CCDC30: variants seen among roughly 807,000 people sequenced by gnomAD.
The protein encoded by CCDC30 is coiled-coil domain-containing protein 30.
A neutral mutation model predicts 100.2 loss-of-function variants in CCDC30; 70 were observed. That is an observed-to-expected ratio of 0.70 (90% confidence interval 0.58 to 0.85). CCDC30 has a LOEUF of 0.85. Ranked by LOEUF, CCDC30 falls within the 40% of genes least tolerant of loss-of-function variation. The pLI is 0.00. For synonymous variants in CCDC30, 233 were observed against 269.5 expected (o/e 0.86, Z 1.33); for missense variants, 652 against 771.2 (o/e 0.85, Z 1.83).
intron 6 of CCDC30, among the ~76,000 whole-genome samples, chr1:42,552,752 G>C (rs1402326395): frequency 6.6e-6 from 1 of 152,116 alleles, no homozygotes; most frequent in Non-Finnish European, 1.5e-5. Flanking sequence ...TCTCCCCGGG[G>C]CCGCCACTGA....
rs145722688 is a variant in CCDC30 at position 42,562,859 on chromosome 1, A to G, written c.457-3437A>G. Among the ~76,000 whole-genome samples the G allele has an allele frequency of 5.2e-3, 799 of 152,370 alleles. 9 individuals carry two copies. Among genetic ancestry groups the G allele is most frequent in the African/African-American group, 0.019 (772 of 41,584 alleles). On this transcript the variant is annotated intron_variant, in intron 6 of 16. Transcript: ENST00000668663. ...CCAACAAACATATGAAGAAAAGCTCAACATCACTGATCATCAGAGAAATGC... is the reference window on the plus strand; with the variant it reads ...CCAACAAACATATGAAGAAAAGCTCGACATCACTGATCATCAGAGAAATGC...
rs1052745155 is a variant in CCDC30 at position 42,566,215 on chromosome 1, C to G, written c.457-81C>G. The G allele has an allele frequency of 3.8e-6, 4 of 1,056,880 alleles. No individual in the cohort carries two copies. In the East Asian group the frequency reaches 7.7e-5, roughly 20 times the overall value. The allele number at this position is 1,056,880 out of a possible 1,614,324, so 65.5% of individuals were successfully genotyped here. A position where few individuals can be genotyped will look rare whatever the true frequency, so the allele number is the denominator to read the frequency against. On this transcript the variant is annotated intron_variant, in intron 6 of 16. Transcript: ENST00000668663. ...TGTGAATAATCACATTCTGACAATT[C>G]CGGTTCTGACAACTTGAACCCATGT...
At position 42,653,458 on chromosome 1, in the gene CCDC30, G is replaced by C; in HGVS notation, c.1922+15G>C. 1 of 1,528,346 alleles carries C rather than the reference G, an allele frequency of 6.5e-7. No homozygotes were observed. Among genetic ancestry groups the C allele is most frequent in the Non-Finnish European group, 9.0e-7 (1 of 1,107,306 alleles). 94.7% of individuals were successfully genotyped at this position (1,528,346 alleles called of 1,614,324 possible). ...TCAAACTCCAGGTTAGTAAAGTCAA[G>C]ACAAATAAAGTCAAGTCTATCTGAG... On this transcript the variant is annotated intron_variant, in intron 16 of 16. Coordinates refer to ENST00000668663, the Ensembl canonical transcript of CCDC30.
At chr1:42,491,381 A>T (rs938375338) in intron 4 of CCDC30, among the ~76,000 whole-genome samples, 1 of 152,172 alleles carries the variant, frequency 6.6e-6, no homozygotes, top group Non-Finnish European at 1.5e-5. Flanking sequence ...GTTCTCACTT[A>T]TTTGTGGAAT....
At chr1:42,505,756 A>T (rs991321460) in intron 6 of CCDC30, among the ~76,000 whole-genome samples, 5 of 152,194 alleles carry the variant, frequency 3.3e-5, no homozygotes, top group African/African-American at 1.2e-4. Flanking sequence ...TTCCTAAGAT[A>T]AGCTTGGAGC....
At chr1:42,609,104 T>TCCTGCCTTC (rs1471023107) in intron 10 of CCDC30, among the ~76,000 whole-genome samples, 1 of 152,162 alleles carries the variant, frequency 6.6e-6, no homozygotes, top group African/African-American at 2.4e-5. Flanking sequence ...TCCCTGCCTT[T>TCCTGCCTTC]CCTGCCTTCC....
chr1:42,616,153 C>T (rs956685184), intron 11 of CCDC30, among the ~76,000 whole-genome samples: 7 of 152,136 alleles, frequency 4.6e-5, no homozygotes, highest in South Asian at 2.1e-4. Flanking sequence ...TGACCTCAGA[C>T]GATCCACTCG....
intron 6 of CCDC30, among the ~76,000 whole-genome samples, chr1:42,557,322 A>T (rs1645390175): frequency 6.6e-6 from 1 of 152,212 alleles, no homozygotes; most frequent in Non-Finnish European, 1.5e-5. Context: ...CACCTGTGAA[A>T]GGAAAAGGAG....
Position 42,527,109 on chromosome 1 carries a change from A to C in CCDC30, c.456+28193A>C, listed in dbSNP as rs564669753. Among the ~76,000 whole-genome samples the C allele has an allele frequency of 5.3e-5, 8 of 152,338 alleles. No homozygotes were observed. In the South Asian group the frequency reaches 1.7e-3, roughly 32 times the overall value. On this transcript the variant is annotated intron_variant, in intron 6 of 16. Coordinates refer to ENST00000668663, the Ensembl canonical transcript of CCDC30. ...AGGAAGGTAACCTGAAAATAAATAC[A>C]TGTGTTTCTAGTAAAACTTCTTTCA...
chr1:42,548,150 A>G (rs1449450186), intron 6 of CCDC30, among the ~76,000 whole-genome samples: 6 of 152,290 alleles, frequency 3.9e-5, no homozygotes, highest in Middle Eastern at 6.8e-3. Flanking sequence ...ATGAGAATGA[A>G]GAGGCAGGCA....
At chr1:42,582,922 A>G (rs1645995697) in intron 9 of CCDC30, among the ~76,000 whole-genome samples, 1 of 152,212 alleles carries the variant, frequency 6.6e-6, no homozygotes, top group Non-Finnish European at 1.5e-5. Flanking sequence ...TCTGAATGCA[A>G]CAGTTTTGGC....
upstream of CCDC30, chr1:42,459,828 C>T (rs889514468): frequency 6.2e-7 from 1 of 1,613,918 alleles, no homozygotes; most frequent in Admixed American, 1.7e-5. Context: ...CAAGTTATTG[C>T]TATCAGAGGA....
At chr1:42,547,949 C>A (rs995286914) in intron 6 of CCDC30, among the ~76,000 whole-genome samples, 6 of 152,084 alleles carry the variant, frequency 3.9e-5, no homozygotes, top group Admixed American at 3.9e-4. Context: ...GGGCTCTGGC[C>A]CAGGCTAATG....
At chr1:42,631,240 G>A (rs1233107146) in intron 11 of CCDC30, among the ~76,000 whole-genome samples, 4 of 152,182 alleles carry the variant, frequency 2.6e-5, no homozygotes, top group Non-Finnish European at 5.9e-5. Flanking sequence ...TAATGGTCTT[G>A]GAAAAGATCT....
chr1:42,616,956 A>AT (rs1275611945), intron 11 of CCDC30, among the ~76,000 whole-genome samples: 2 of 152,176 alleles, frequency 1.3e-5, no homozygotes, highest in African/African-American at 2.4e-5. Context: ...ATGGCTGTGA[A>AT]TATTAGATAA....
intron 6 of CCDC30, among the ~76,000 whole-genome samples, chr1:42,519,221 A>G (rs1644599397): frequency 6.6e-6 from 1 of 152,186 alleles, no homozygotes. Context: ...AACGTTCTTA[A>G]GGGGCATTGG....
intron 1 of CCDC30, among the ~76,000 whole-genome samples, chr1:42,479,856 A>C (rs1339015629): frequency 6.6e-6 from 1 of 152,160 alleles, no homozygotes; most frequent in African/African-American, 2.4e-5. Context: ...CCTGGTTCCC[A>C]TGGGAAGATG....
At chr1:42,495,077 T>C (rs1354894605) in intron 4 of CCDC30, among the ~76,000 whole-genome samples, 1 of 147,060 alleles carries the variant, frequency 6.8e-6, no homozygotes, top group South Asian at 2.3e-4. Context: ...TGCGGCACTA[T>C]TCACAATAGC....
At chr1:42,530,184 T>C (rs930140646) in intron 6 of CCDC30, among the ~76,000 whole-genome samples, 3 of 152,328 alleles carry the variant, frequency 2.0e-5, no homozygotes, top group African/African-American at 7.2e-5. Context: ...AGTAGTCTAA[T>C]GCCATGTCAT....
Sources: gnomAD v4.1 joint callset for allele counts (sites outside exome capture counted in the v4.1 genomes callset) on GRCh38, gnomAD v4.1.1 for gene constraint, MANE v1.5 for transcripts, NCBI Gene and HGNC (gene_info 2026-07-23, HGNC 2026-07-21) for gene names.